Variants in RASAL2 observed in about 807,000 individuals in gnomAD.
RASAL2 encodes RAS protein activator like 2, also known as ras GTPase-activating protein nGAP.
Under a neutral mutation model 128.9 loss-of-function variants are expected in RASAL2, and 58 were observed. That is an observed-to-expected ratio of 0.45 (90% CI 0.36 to 0.56). The LOEUF (loss-of-function observed/expected upper bound fraction) is 0.56. RASAL2 is among the 20% of genes least tolerant of loss of function. The pLI, the probability that RASAL2 is intolerant of heterozygous loss-of-function variation, is 0.00. For missense variants in RASAL2, 1,360 were observed against 1,601.6 expected (o/e 0.85, Z 2.57); for synonymous variants, 561 against 580.8 (o/e 0.97, Z 0.49).
At chr1:178,463,856 AT>A in intron 14 of RASAL2, among the ~76,000 whole-genome samples, 1 of 152,250 alleles carries the variant, frequency 6.6e-6, no homozygotes, top group East Asian at 1.9e-4. Context: ...CTAAACAGAT[AT>A]TTTGACCATC....
At chr1:178,389,423 A>G (rs1202993056) in intron 3 of RASAL2, 1 of 271,710 alleles carries the variant, frequency 3.7e-6, no homozygotes, top group African/African-American at 2.3e-5. Flanking sequence ...AATACAGTAT[A>G]TAGTAATTAA....
chr1:178,472,775 A>G (rs1165445058), intron 17 of RASAL2, among the ~76,000 whole-genome samples: 2 of 152,212 alleles, frequency 1.3e-5, no homozygotes, highest in Non-Finnish European at 2.9e-5. Flanking sequence ...TGTGTTGCAT[A>G]GTCTGAGGTA....
intron 3 of RASAL2, among the ~76,000 whole-genome samples, chr1:178,359,555 AT>A (rs1274089362): frequency 6.6e-6 from 1 of 152,168 alleles, no homozygotes; most frequent in Non-Finnish European, 1.5e-5. Context: ...ACAAAACATC[AT>A]TTTGGAATTT....
rs1661181451 is a variant in RASAL2, at chr1:178,159,002, T to C, written c.202+64308T>C. Among the ~76,000 whole-genome samples the C allele has an allele frequency of 5.3e-5, 8 of 152,304 alleles. No homozygotes were observed. The South Asian group carries it at 1.7e-3, about 32-fold the overall frequency. ...CCAGATTACCGGATAATATTTACCC[T>C]GTGAGCTCAAAATACAGTCTTACAG... is the stretch of plus-strand genomic sequence containing the variant. On this transcript the variant is annotated intron_variant, in intron 1 of 17. Transcript: ENST00000367649.
intron 1 of RASAL2, among the ~76,000 whole-genome samples, chr1:178,244,277 C>T (rs1664662339): frequency 6.6e-6 from 1 of 152,040 alleles, no homozygotes; most frequent in South Asian, 2.1e-4. Flanking sequence ...GAGTCTCGCT[C>T]TGTCACCCAG....
chr1:178,317,241 G>A (rs1668531048), intron 3 of RASAL2, among the ~76,000 whole-genome samples: 1 of 135,122 alleles, frequency 7.4e-6, no homozygotes, highest in African/African-American at 3.4e-5. Context: ...AAGGATATTG[G>A]TCTAAAATTC....
chr1:178,175,471 T>TGTGTGTGTGTGTGA (rs777301625), intron 1 of RASAL2, among the ~76,000 whole-genome samples: 3 of 151,674 alleles, frequency 2.0e-5, no homozygotes, highest in African/African-American at 7.3e-5. Flanking sequence ...TGTGTGTGTG[T>TGTGTGTGTGTGTGA]GATAACTATG....
intron 1 of RASAL2, among the ~76,000 whole-genome samples, chr1:178,144,967 A>T (rs1440120210): frequency 6.6e-6 from 1 of 152,160 alleles, no homozygotes; most frequent in Non-Finnish European, 1.5e-5. Flanking sequence ...CTATTACCTG[A>T]TGTAGTAAGT....
chr1:178,298,517 C>G (rs938858774), intron 2 of RASAL2, among the ~76,000 whole-genome samples: 11 of 152,170 alleles, frequency 7.2e-5, no homozygotes, highest in Non-Finnish European at 1.3e-4. Context: ...TTGCCATCAT[C>G]TCCTTGACCC....
intron 3 of RASAL2, among the ~76,000 whole-genome samples, chr1:178,330,434 T>TA (rs1214220640): frequency 6.6e-6 from 1 of 152,172 alleles, no homozygotes; most frequent in Non-Finnish European, 1.5e-5. Context: ...GATTACAACA[T>TA]AGAGTATGTA....
At chr1:178,437,643 T>G (rs1419722993) in intron 5 of RASAL2, among the ~76,000 whole-genome samples, 2 of 152,096 alleles carry the variant, frequency 1.3e-5, no homozygotes, top group African/African-American at 2.4e-5. Context: ...TCCCAGCAAC[T>G]CCTCCTGGGA....
At chr1:178,371,228 T>C (rs1671680316) in intron 3 of RASAL2, among the ~76,000 whole-genome samples, 1 of 151,700 alleles carries the variant, frequency 6.6e-6, no homozygotes, top group African/African-American at 2.4e-5. Context: ...GACACCTTCA[T>C]GATGATGTTG....
rs190579612 is a variant in RASAL2 at position 178,137,138 on chromosome 1, G to A, written c.202+42444G>A. On this transcript the variant is annotated intron_variant, in intron 1 of 17. Transcript: ENST00000367649. The stretch of plus-strand genomic sequence containing the variant: ...AGACAGTAAGCTGCAGTTAACTTCC[G>A]TGGAGGAATTTATTTTTCTCTTGTT... Among the ~76,000 whole-genome samples, 15 of 152,244 alleles carry A rather than the reference G, an allele frequency of 9.9e-5. No individual in the cohort carries two copies. In the East Asian group the frequency reaches 1.7e-3, roughly 18 times the overall value.
At chr1:178,106,477 C>T (rs115452673) in intron 1 of RASAL2, among the ~76,000 whole-genome samples, 465 of 152,268 alleles carry the variant, frequency 3.1e-3, no homozygotes, top group Non-Finnish European at 4.6e-3. Context: ...CAAGTGGTTG[C>T]TGATTACTCT....
At chr1:178,169,581 G>C (rs1008114045) in intron 1 of RASAL2, among the ~76,000 whole-genome samples, 3 of 151,508 alleles carry the variant, frequency 2.0e-5, no homozygotes, top group Non-Finnish European at 4.4e-5. Context: ...GAGATATGCG[G>C]AAGTCTTATT....
intron 12 of RASAL2, among the ~76,000 whole-genome samples, chr1:178,455,918 T>C (rs1215033568): frequency 6.6e-6 from 1 of 152,240 alleles, no homozygotes; most frequent in Admixed American, 6.5e-5. Context: ...TAACTGCATC[T>C]CAGTGGAATG....
intron 1 of RASAL2, among the ~76,000 whole-genome samples, chr1:178,282,758 T>C (rs1356434981): frequency 6.6e-6 from 1 of 152,262 alleles, no homozygotes; most frequent in East Asian, 1.9e-4. Flanking sequence ...CTGAAGAACT[T>C]TTAATATATA....
intron 3 of RASAL2, among the ~76,000 whole-genome samples, chr1:178,303,644 TATTAAG>T (rs1465951879): frequency 1.3e-5 from 2 of 152,050 alleles, no homozygotes; most frequent in Non-Finnish European, 2.9e-5. Context: ...CATTGGACTA[TATTAAG>T]ATTAAGAATT....
In RASAL2 at chr1:178,378,656, C is replaced by T. The variant is rs1311167433; in HGVS notation, c.458-11444C>T. Among the ~76,000 whole-genome samples, 5 of 152,198 alleles carry T rather than the reference C, an allele frequency of 3.3e-5. No homozygotes were observed. In the East Asian group the frequency reaches 9.6e-4, roughly 29 times the overall value. ...TTTACTGTAAAAACCTTTATTTTTG[C>T]AGTCTTTTAAAGTTACTTGCAAATA... On this transcript the variant is annotated intron_variant, in intron 3 of 17. Coordinates refer to ENST00000367649, the MANE Select transcript of RASAL2 (RefSeq NM_170692.4).
Sources: gnomAD v4.1 joint callset for allele counts (sites outside exome capture counted in the v4.1 genomes callset) on GRCh38, gnomAD v4.1.1 for gene constraint, MANE v1.5 for transcripts, NCBI Gene and HGNC (gene_info 2026-07-23, HGNC 2026-07-21) for gene names.